GABRG3: variants seen among roughly 807,000 people sequenced by gnomAD.
GABRG3 encodes the protein gamma-aminobutyric acid type A receptor subunit gamma3.
Under a neutral mutation model 48.8 loss-of-function variants are expected in GABRG3, and 25 were observed. That is an observed-to-expected ratio of 0.51 (90% CI 0.37 to 0.72). The LOEUF is 0.72. GABRG3 is among the 30% of genes least tolerant of loss of function. The pLI is 0.00. For synonymous variants in GABRG3, 227 were observed against 217.6 expected (o/e 1.04, Z -0.38); for missense variants, 394 against 577.9 (o/e 0.68, Z 3.26).
intron 3 of GABRG3, among the ~76,000 whole-genome samples, chr15:27,216,012 G>A (rs1432497112): frequency 6.6e-6 from 1 of 152,194 alleles, no homozygotes; most frequent in Non-Finnish European, 1.5e-5. Flanking sequence ...CTTAATGAAT[G>A]GAAGGAATTG....
At chr15:27,476,404 C>A (rs542280302) in intron 5 of GABRG3, among the ~76,000 whole-genome samples, 32 of 151,574 alleles carry the variant, frequency 2.1e-4, no homozygotes, top group Admixed American at 1.2e-3. Flanking sequence ...GGAAATCATG[C>A]CTTAAAAAAA....
intron 5 of GABRG3, among the ~76,000 whole-genome samples, chr15:27,432,887 A>G (rs76073312): frequency 5.3e-5 from 8 of 152,330 alleles, no homozygotes; most frequent in East Asian, 1.9e-4. Flanking sequence ...TGCATTCCAC[A>G]TGACAGTCTA....
intron 3 of GABRG3, among the ~76,000 whole-genome samples, chr15:27,253,777 C>T (rs1356619089): frequency 3.9e-5 from 6 of 152,334 alleles, no homozygotes; most frequent in Non-Finnish European, 7.3e-5. Flanking sequence ...CTGTGCCAGC[C>T]GGGTTGTCTT....
At chr15:27,530,055 C>A (rs73373615) in intron 9 of GABRG3, among the ~76,000 whole-genome samples, 1 of 152,090 alleles carries the variant, frequency 6.6e-6, no homozygotes, top group Admixed American at 6.5e-5. Context: ...GTCTGTCCTC[C>A]GGTCTGCAGC....
At chr15:27,268,624 AT>A (rs1325627020) in intron 3 of GABRG3, among the ~76,000 whole-genome samples, 1 of 151,930 alleles carries the variant, frequency 6.6e-6, no homozygotes, top group African/African-American at 2.4e-5. Flanking sequence ...GAGGTGATTG[AT>A]TTAAGGTCTA....
intron 3 of GABRG3, among the ~76,000 whole-genome samples, chr15:27,106,929 G>A (rs1442318207): frequency 6.6e-6 from 1 of 152,020 alleles, no homozygotes; most frequent in Non-Finnish European, 1.5e-5. Context: ...AATTGTAGTA[G>A]TCTGCCAAGG....
intron 3 of GABRG3, among the ~76,000 whole-genome samples, chr15:27,298,006 C>T (rs538682836): frequency 6.6e-6 from 1 of 151,984 alleles, no homozygotes; most frequent in East Asian, 1.9e-4. Context: ...TATAGATCCT[C>T]AAACGTTACA....
At chr15:27,407,608 C>T (rs1428872311) in intron 5 of GABRG3, among the ~76,000 whole-genome samples, 1 of 151,984 alleles carries the variant, frequency 6.6e-6, no homozygotes, top group African/African-American at 2.4e-5. Flanking sequence ...TACACCCAGA[C>T]AATGGAATAT....
intron 5 of GABRG3, among the ~76,000 whole-genome samples, chr15:27,354,441 A>G (rs893347806): frequency 6.6e-6 from 1 of 152,154 alleles, no homozygotes; most frequent in Non-Finnish European, 1.5e-5. Context: ...ACCCATGCCT[A>G]CATGGCTATG....
At chr15:27,135,560 G>A (rs1897994054) in intron 3 of GABRG3, among the ~76,000 whole-genome samples, 1 of 152,178 alleles carries the variant, frequency 6.6e-6, no homozygotes, top group South Asian at 2.1e-4. Context: ...ATGAGCTAGG[G>A]CAAATAATGT....
chr15:27,288,719 A>G (rs905239343), intron 3 of GABRG3, among the ~76,000 whole-genome samples: 2 of 88,684 alleles, frequency 2.3e-5, no homozygotes, highest in African/African-American at 4.6e-5. Flanking sequence ...GTCTCACAGA[A>G]AAAAAAAAAA....
chr15:27,509,434 A>G (rs1177801401), intron 6 of GABRG3, among the ~76,000 whole-genome samples: 1 of 152,140 alleles, frequency 6.6e-6, no homozygotes, highest in African/African-American at 2.4e-5. Flanking sequence ...TTCTTCAAAT[A>G]TATTGTTTTC....
At chr15:27,022,548 A>G (rs1289016063) in intron 2 of GABRG3, among the ~76,000 whole-genome samples, 1 of 152,194 alleles carries the variant, frequency 6.6e-6, no homozygotes, top group Non-Finnish European at 1.5e-5. Context: ...GTCAAGTCCC[A>G]AAGGAATTGA....
chr15:27,332,085 G>C (rs1442092994), intron 5 of GABRG3, among the ~76,000 whole-genome samples: 1 of 152,184 alleles, frequency 6.6e-6, no homozygotes, highest in African/African-American at 2.4e-5. Context: ...TAATAACACT[G>C]TCCTAATGAA....
chr15:27,026,736 A>G lies in GABRG3; in HGVS notation c.203-18A>G, dbSNP rs372724076. On this transcript the variant is annotated intron_variant, in intron 2 of 9. Transcript: ENST00000615808. Reference sequence around the variant, plus strand: ...TCTCCGGCACGAAGTATTAACATACATGTATTTTTCTCCACAGTAAAACCG... The same window carrying G: ...TCTCCGGCACGAAGTATTAACATACGTGTATTTTTCTCCACAGTAAAACCG... 3.6e-5 allele frequency: 57 copies of G among 1,598,388 alleles called. No individual in the cohort carries two copies. In the South Asian group the frequency reaches 5.9e-4, roughly 17 times the overall value.
intron 3 of GABRG3, among the ~76,000 whole-genome samples, chr15:27,040,116 C>T (rs1403022371): frequency 6.6e-6 from 1 of 152,266 alleles, no homozygotes; most frequent in Non-Finnish European, 1.5e-5. Flanking sequence ...CAGAGAAGGG[C>T]TGGGCCTGTC....
intron 3 of GABRG3, among the ~76,000 whole-genome samples, chr15:27,143,541 G>A (rs1052554450): frequency 2.0e-5 from 3 of 152,160 alleles, no homozygotes; most frequent in African/African-American, 4.8e-5. Flanking sequence ...GCAGAGAAAA[G>A]CAAATCAAGT....
chr15:27,367,422 A>G (rs1895246533), intron 5 of GABRG3, among the ~76,000 whole-genome samples: 2 of 152,242 alleles, frequency 1.3e-5, no homozygotes, highest in Non-Finnish European at 2.9e-5. Context: ...TAGCTGCATT[A>G]TTCAAAACAA....
intron 3 of GABRG3, among the ~76,000 whole-genome samples, chr15:27,060,347 C>G (rs989068618): frequency 1.3e-5 from 2 of 152,210 alleles, no homozygotes; most frequent in African/African-American, 4.8e-5. Context: ...TTGGAGCTTC[C>G]CTTTGCAGGT....
Sources: gnomAD v4.1 joint callset for allele counts (sites outside exome capture counted in the v4.1 genomes callset) on GRCh38, gnomAD v4.1.1 for gene constraint, MANE v1.5 for transcripts, NCBI Gene and HGNC (gene_info 2026-07-23, HGNC 2026-07-21) for gene names.